PDZD4: variants seen among roughly 807,000 people sequenced by gnomAD.
PDZD4 encodes PDZ domain-containing protein 4.
A neutral mutation model predicts 38.5 loss-of-function variants in PDZD4; 9 were observed. The observed-to-expected ratio is 0.23, with a 90% CI of 0.14 to 0.41. PDZD4 has a LOEUF of 0.41. Among genes scored for constraint, PDZD4 ranks in the 10% least tolerant of loss-of-function variants. The pLI, the probability that PDZD4 is intolerant of heterozygous loss-of-function variation, is 1.00. For synonymous variants in PDZD4, 349 were observed against 315.7 expected, an observed-to-expected ratio of 1.11 and a Z score of -1.12; for missense variants, 612 against 722.0, an observed-to-expected ratio of 0.85 and a Z score of 1.75.
chrX:153,828,693 G>A (rs965083940), intron 1 of PDZD4, among the ~76,000 whole-genome samples: 1 of 112,592 alleles, frequency 8.9e-6, no homozygotes, highest in East Asian at 2.8e-4. Flanking sequence ...CCACGAGGTT[G>A]GCCTTAAATG....
At chrX:153,807,758 C>T in intron 2 of PDZD4, 3 of 821,577 alleles carry the variant, frequency 3.7e-6, no homozygotes, top group Non-Finnish European at 4.6e-6. Context: ...CCCTGGAGGA[C>T]TTCTGCAGAG....
intron 1 of PDZD4, among the ~76,000 whole-genome samples, chrX:153,819,347 G>A (rs782166864): frequency 0.013 from 1,523 of 113,194 alleles, 12 homozygotes; most frequent in Middle Eastern, 0.037. Flanking sequence ...GGGAAGCCGA[G>A]AAGAGAGGCC....
rs782358549 is a variant in PDZD4, at chrX:153,803,685, T to G, written c.1996A>C (p.Met666Leu). 1 of 1,210,476 alleles carries G rather than the reference T, an allele frequency of 8.3e-7. No homozygotes were observed. The highest frequency in any genetic ancestry group is 1.8e-5 in the South Asian group (1 of 57,071). ...CTCACCGCGTCGTCGTCGGTCGTCA[T>G]ACCGCTGCGCTCCTCCCGGATCTTC... ...ALKIREERSGMTTDDDAVSEM... is the reference protein window; with the variant it reads ...ALKIREERSGLTTDDDAVSEM... Residue 666 changes from methionine to leucine, a missense_variant, in exon 8 of 8, where the codon ATG becomes CTG. Physicochemically the swap from Met to Leu is conservative, Grantham distance 15 (BLOSUM62 2). This residue lies in a region of PDZD4 where 87 missense variants were observed against 126.3 expected (regional missense o/e 0.69). Coordinates refer to ENST00000393758, the MANE Select transcript of PDZD4 (RefSeq NM_001303512.2).
At chrX:153,821,379 A>G (rs1557081254) in intron 1 of PDZD4, among the ~76,000 whole-genome samples, 2 of 110,923 alleles carry the variant, frequency 1.8e-5, no homozygotes. Context: ...CACGTAGGCA[A>G]CGACTCCTGG....
In PDZD4 at chrX:153,803,591, T is replaced by C. The variant is rs2092189480; in HGVS notation, c.2090A>G (p.Gln697Arg). The C allele has an allele frequency of 8.3e-7, 1 of 1,210,355 alleles. No homozygotes were observed. Among genetic ancestry groups the C allele is most frequent in the Non-Finnish European group, 1.1e-6 (1 of 895,518 alleles). ...CATCATGAACTCGCGCCGCTTCCGCTGCTCACGGGCCCGGATCAGGTGCTG... is the reference window on the plus strand; with the variant it reads ...CATCATGAACTCGCGCCGCTTCCGCCGCTCACGGGCCCGGATCAGGTGCTG... ...RKQHLIRAREQRKRREFMMQS... is the reference protein window; with the variant it reads ...RKQHLIRARERRKRREFMMQS... The change falls in exon 8 of 8, where the codon CAG (glutamine) becomes CGG (arginine). Residue 697 changes from glutamine to arginine, a missense_variant. Transcript: ENST00000393758.
chrX:153,803,128 G>A lies in PDZD4; in HGVS notation c.*225C>T, dbSNP rs2092183910. On this transcript the variant is annotated 3_prime_UTR_variant, in exon 8 of 8. Coordinates refer to ENST00000393758, the MANE Select transcript of PDZD4 (RefSeq NM_001303512.2). Reference sequence around the variant, plus strand: ...AGGTGTGCCCCCAGTGCTGGCCACTGGCATGGTCACTTTACTTGGGCAGAA... The same window carrying A: ...AGGTGTGCCCCCAGTGCTGGCCACTAGCATGGTCACTTTACTTGGGCAGAA... 1.3e-5 allele frequency: 4 copies of A among 301,071 alleles called. No homozygotes were observed. The highest frequency in any genetic ancestry group is 2.3e-5 in the Non-Finnish European group (4 of 173,054). 24.8% of individuals were successfully genotyped at this position (301,071 alleles called of 1,213,427 possible).
chrX:153,808,233 G>A (rs2064273618), intron 2 of PDZD4, 109 bp downstream of exon 2: 7 of 1,079,090 alleles, frequency 6.5e-6, no homozygotes, highest in Non-Finnish European at 8.4e-6. Flanking sequence ...GTCAGTTCTG[G>A]AGGCCGAGGG....
In PDZD4 at chrX:153,805,532, G is replaced by C; in HGVS notation, c.642C>G (p.Ser214=). Residue 214 remains serine, a synonymous_variant, in exon 6 of 8, where the codon TCC becomes TCG. Coordinates refer to ENST00000393758, the MANE Select transcript of PDZD4 (RefSeq NM_001303512.2). ...GACTCTCAGGTCGGGCCACCAGCAG[G>C]GAGATGTTGGTGTTCTCTTCCTGGC... The part of the protein sequence containing the change: ...ILSQEENTNI[S]LLVARPESQL... The C allele has an allele frequency of 8.3e-7, 1 of 1,210,333 alleles. No homozygotes were observed. The highest frequency in any genetic ancestry group is 1.1e-6 in the Non-Finnish European group (1 of 894,809).
chrX:153,804,477 C>T lies in PDZD4; in HGVS notation c.1204G>A (p.Gly402Ser). The change falls in exon 8 of 8, where the codon GGC becomes AGC. Residue 402 changes from glycine (G) to serine (S), a missense_variant. By Grantham distance (56) the Gly-to-Ser change is moderately conservative. Coordinates refer to ENST00000393758, the MANE Select transcript of PDZD4 (RefSeq NM_001303512.2). ...ALDVNRNESL[G>S]HEMAMLEEEL... ...TCCTCCAGCATGGCCATCTCGTGGCCCAGGCTCTCGTTGCGGTTGACGTCC... is the reference window on the plus strand; with the variant it reads ...TCCTCCAGCATGGCCATCTCGTGGCTCAGGCTCTCGTTGCGGTTGACGTCC... 1 of 1,210,344 alleles carries T rather than the reference C, an allele frequency of 8.3e-7. No individual in the cohort carries two copies.
chrX:153,805,588 G>T lies in PDZD4; in HGVS notation c.586C>A (p.Gln196Lys). 2.5e-6 allele frequency: 3 copies of T among 1,208,077 alleles called. No individual in the cohort carries two copies. The highest frequency in any genetic ancestry group is 3.4e-6 in the Non-Finnish European group (3 of 892,999). ...RIIQINGVDV[Q>K]NREEAVAILS... ...ATGGCCACCGCCTCTTCCCGGTTCTGGACGTCTACACCGTTAATCTGAGGC... is the reference window on the plus strand; with the variant it reads ...ATGGCCACCGCCTCTTCCCGGTTCTTGACGTCTACACCGTTAATCTGAGGC... The change falls in exon 6 of 8, where the codon CAG becomes AAG. Residue 196 changes from glutamine to lysine, a missense_variant. Physicochemically the swap from Gln to Lys is moderately conservative, Grantham distance 53 (BLOSUM62 1). This residue lies in a region of PDZD4 where 225 missense variants were observed against 311.0 expected (regional missense o/e 0.72). Transcript: ENST00000393758.
At chrX:153,819,152 C>G (rs895706524) in intron 1 of PDZD4, among the ~76,000 whole-genome samples, 2 of 112,761 alleles carry the variant, frequency 1.8e-5, no homozygotes, top group Non-Finnish European at 3.8e-5. Context: ...CAGGGCGGAC[C>G]ACACTCGTCC....
chrX:153,806,975 C>T (rs1266191731), intron 3 of PDZD4, 135 bp from the exon 4 acceptor site: 28 of 557,398 alleles, frequency 5.0e-5, no homozygotes, highest in Non-Finnish European at 6.4e-5. Flanking sequence ...CTGGAGCCCC[C>T]TGAGCTCAGT....
Position 153,804,717 on chromosome X carries a change from C to T in PDZD4, c.964G>A (p.Gly322Ser), listed in dbSNP as rs782448510. Residue 322 changes from glycine to serine, a missense_variant, in exon 8 of 8, where the codon GGC becomes AGC. Physicochemically the swap from Gly to Ser is moderately conservative, Grantham distance 56. Coordinates refer to ENST00000393758, the MANE Select transcript of PDZD4 (RefSeq NM_001303512.2). ...TNTPGSLRKF[G>S]LQGDALQSRD... The stretch of plus-strand genomic sequence containing the variant: ...CTCTGCAGGGCGTCCCCTTGCAGGC[C>T]AAACTTGCGCAGGCTTCCCGGGGTG... The T allele has an allele frequency of 1.7e-6, 2 of 1,211,194 alleles. No individual in the cohort carries two copies. Among genetic ancestry groups the T allele is most frequent in the Non-Finnish European group, 2.2e-6 (2 of 895,549 alleles).
chrX:153,815,198 C>G (rs781829902), intron 1 of PDZD4, among the ~76,000 whole-genome samples: 12 of 113,236 alleles, frequency 1.1e-4, no homozygotes, highest in African/African-American at 3.5e-4. Flanking sequence ...CAGCTCCAAT[C>G]TCAACCACAG....
chrX:153,830,376 C>A lies in PDZD4; in HGVS notation c.-78G>T. 5 of 1,009,892 alleles carry A rather than the reference C, an allele frequency of 5.0e-6. No individual in the cohort carries two copies. Among genetic ancestry groups the A allele is most frequent in the Non-Finnish European group, 6.9e-6 (5 of 724,933 alleles). 83.2% of individuals were successfully genotyped at this position (1,009,892 alleles called of 1,213,427 possible). On this transcript the variant is annotated 5_prime_UTR_variant, in exon 1 of 8. Transcript: ENST00000393758. ...CTGACCCGGGCGCGGGACCTCGGGT[C>A]CCGGGCCGGGGCCAGGGGCCATACC...
intron 1 of PDZD4, among the ~76,000 whole-genome samples, chrX:153,826,183 C>T (rs2064478852): frequency 1.0e-5 from 1 of 97,759 alleles, no homozygotes; most frequent in African/African-American, 3.8e-5. Flanking sequence ...CACCACTGCA[C>T]TCCAGTCTGG....
intron 2 of PDZD4, 25 bp downstream of exon 2, chrX:153,808,317 C>G: frequency 8.4e-7 from 1 of 1,186,403 alleles, no homozygotes; most frequent in Non-Finnish European, 1.1e-6. Context: ...AGGCAGGGCC[C>G]GGGGCCCTCC....
chrX:153,804,310 G>A lies in PDZD4; in HGVS notation c.1371C>T (p.His457=). 1 of 1,207,752 alleles carries A rather than the reference G, an allele frequency of 8.3e-7. No individual in the cohort carries two copies. Among genetic ancestry groups the A allele is most frequent in the Non-Finnish European group, 1.1e-6 (1 of 894,541 alleles). ...GCAGCTCGGAGATGTCGGACAGCTC[G>A]TGCTTCTTGGGCTCGCTGGCCGCCA... ...YDLAASEPKK[H]ELSDISELPE... is the part of the protein sequence containing the mutation. The change falls in exon 8 of 8, where the codon CAC becomes CAT. Residue 457 remains histidine, a synonymous_variant. Coordinates refer to ENST00000393758, the MANE Select transcript of PDZD4 (RefSeq NM_001303512.2).
At chrX:153,807,714 C>T (rs1359541827) in intron 2 of PDZD4, 10 of 372,028 alleles carry the variant, frequency 2.7e-5, no homozygotes, top group African/African-American at 2.8e-5. Context: ...CAGCACTGGC[C>T]CCACTCATGC....
Sources: gnomAD v4.1 joint callset for allele counts (sites outside exome capture counted in the v4.1 genomes callset) on GRCh38, gnomAD v4.1.1 for gene constraint, gnomAD v4.1.1 regional missense constraint, MANE v1.5 for transcripts, NCBI Gene and HGNC (gene_info 2026-07-23, HGNC 2026-07-21) for gene names.